UNC13C: variants seen among roughly 807,000 people sequenced by gnomAD.
The protein encoded by UNC13C is protein unc-13 homolog C.
A neutral mutation model predicts 245.4 loss-of-function variants in UNC13C; 174 were observed. The ratio of observed to expected loss-of-function variants is 0.71; its 90% confidence interval spans 0.63 to 0.80. The LOEUF (loss-of-function observed/expected upper bound fraction) is 0.80, where lower values mean the gene tolerates loss of function less well. UNC13C is among the 30% of genes least tolerant of loss of function. The pLI is 0.00. For missense variants in UNC13C, 2,829 were observed against 2,602.9 expected, an observed-to-expected ratio of 1.09 and a Z score of -1.89; for synonymous variants, 992 against 895.1, an observed-to-expected ratio of 1.11 and a Z score of -1.93.
intron 2 of UNC13C, among the ~76,000 whole-genome samples, chr15:54,122,094 C>G (rs2030707472): frequency 1.3e-5 from 2 of 151,422 alleles, no homozygotes; most frequent in South Asian, 4.2e-4. Context: ...GGCAGCTAGT[C>G]TGTAAATTAT....
In UNC13C at chr15:54,498,811, T is replaced by TC. The variant is rs543040996; in HGVS notation, c.5061-1262dup. 3.4e-4 allele frequency among the ~76,000 whole-genome samples: 52 copies of TC among 152,196 alleles called. No homozygotes were observed. In the East Asian group the frequency reaches 5.8e-3, roughly 17 times the overall value. On this transcript the variant is annotated intron_variant, in intron 20 of 32. Coordinates refer to ENST00000260323, the MANE Select transcript of UNC13C (RefSeq NM_001080534.3). ...GATGCATTATTATAAAGATAGCAAT[T>TC]CCCCCCACATGGACCTACAGTTTCA...
chr15:54,212,911 T>C (rs1310735490), intron 4 of UNC13C, among the ~76,000 whole-genome samples: 4 of 152,060 alleles, frequency 2.6e-5, no homozygotes, highest in Admixed American at 6.6e-5. Context: ...TTTTCTCTAT[T>C]TAAACCCTGA....
chr15:54,245,331 T>C (rs1229835813), intron 7 of UNC13C, among the ~76,000 whole-genome samples: 1 of 152,154 alleles, frequency 6.6e-6, no homozygotes, highest in African/African-American at 2.4e-5. Flanking sequence ...TCTCCTTGAA[T>C]TAAGGAATCA....
chr15:54,272,734 T>C, intron 10 of UNC13C, among the ~76,000 whole-genome samples: 1 of 152,158 alleles, frequency 6.6e-6, no homozygotes, highest in East Asian at 1.9e-4. Flanking sequence ...CCATTACCTA[T>C]CCACATACAG....
chr15:54,126,700 T>C (rs1010136625), intron 2 of UNC13C, among the ~76,000 whole-genome samples: 8 of 151,986 alleles, frequency 5.3e-5, no homozygotes, highest in African/African-American at 1.4e-4. Flanking sequence ...AAAGCCAAAA[T>C]TGACAAATAG....
intron 19 of UNC13C, among the ~76,000 whole-genome samples, chr15:54,439,551 T>C: frequency 6.6e-6 from 1 of 151,980 alleles, no homozygotes; most frequent in East Asian, 1.9e-4. Flanking sequence ...TACATAAGCA[T>C]ACAAAATTTT....
intron 30 of UNC13C, among the ~76,000 whole-genome samples, chr15:54,586,426 C>A (rs1291938719): frequency 6.6e-6 from 1 of 152,164 alleles, no homozygotes; most frequent in Non-Finnish European, 1.5e-5. Context: ...GTTACCTTTT[C>A]ATTCTGTTCT....
In UNC13C at chr15:54,435,772, A is replaced by C. The variant is rs184150708; in HGVS notation, c.4933+20705A>C. ...ATAAATAAAAATAAAAAAAGAAACT[A>C]TCATCAGAGTGAACAGGCAACCTAC... On this transcript the variant is annotated intron_variant, in intron 19 of 32. Transcript: ENST00000260323. 4.0e-5 allele frequency among the ~76,000 whole-genome samples: 6 copies of C among 151,570 alleles called. No individual in the cohort carries two copies. In the East Asian group the frequency reaches 9.8e-4, roughly 25 times the overall value.
At chr15:53,967,383 A>T in the UNC13C span, among the ~76,000 whole-genome samples, 1 of 151,164 alleles carries the variant, frequency 6.6e-6, no homozygotes, top group East Asian at 1.9e-4. Context: ...TGAAGTATGT[A>T]CCTGCTGTTC....
chr15:54,600,989 CA>C (rs1284522515), intron 30 of UNC13C, among the ~76,000 whole-genome samples: 1 of 149,374 alleles, frequency 6.7e-6, no homozygotes, highest in Non-Finnish European at 1.5e-5. Flanking sequence ...GCTGATGAGC[CA>C]AAAAAATTGC....
chr15:54,520,102 TAGG>T (rs1279785356), intron 24 of UNC13C, among the ~76,000 whole-genome samples: 1 of 152,014 alleles, frequency 6.6e-6, no homozygotes, highest in Non-Finnish European at 1.5e-5. Flanking sequence ...TTACACCAGT[TAGG>T]AGGATGAAGG....
In UNC13C at chr15:53,978,513, C is replaced by G. The variant is rs574014020; in HGVS notation, c.-671C>G. ...ACTCAGCCCGGCTGCTCCTCACCCT[C>G]AAATGTTGATGAGCCTGGGCGCTCC... On this transcript the variant is annotated 5_prime_UTR_variant, in exon 1 of 33. Coordinates refer to ENST00000260323, the MANE Select transcript of UNC13C (RefSeq NM_001080534.3). Among the ~76,000 whole-genome samples, 25 of 152,266 alleles carry G rather than the reference C, an allele frequency of 1.6e-4. No individual in the cohort carries two copies. Among genetic ancestry groups the G allele is most frequent in the Admixed American group, 1.6e-3 (25 of 15,300 alleles).
At chr15:54,439,910 T>C (rs1398051637) in intron 19 of UNC13C, among the ~76,000 whole-genome samples, 3 of 152,010 alleles carry the variant, frequency 2.0e-5, no homozygotes, top group African/African-American at 7.2e-5. Flanking sequence ...GTTGTAACCA[T>C]TAACCAACTT....
At chr15:54,379,824 G>A (rs2039682444) in intron 17 of UNC13C, among the ~76,000 whole-genome samples, 1 of 152,012 alleles carries the variant, frequency 6.6e-6, no homozygotes, top group South Asian at 2.1e-4. Context: ...CTTTGCTCAG[G>A]TATTTTTGGT....
chr15:53,904,563 A>G, the UNC13C span, among the ~76,000 whole-genome samples: 4 of 152,202 alleles, frequency 2.6e-5, no homozygotes, highest in African/African-American at 7.2e-5. Context: ...GGATATCATC[A>G]TATTACTTTC....
chr15:54,498,482 G>T (rs1368860770), intron 20 of UNC13C, among the ~76,000 whole-genome samples: 4 of 152,050 alleles, frequency 2.6e-5, no homozygotes, highest in African/African-American at 9.7e-5. Flanking sequence ...TGAATTAAGT[G>T]CTAATAAAAT....
At chr15:54,153,903 G>A (rs1470611702) in intron 4 of UNC13C, among the ~76,000 whole-genome samples, 1 of 151,852 alleles carries the variant, frequency 6.6e-6, no homozygotes, top group East Asian at 1.9e-4. Context: ...CCTTTACATA[G>A]ATTTCTAAAA....
chr15:54,328,409 T>C (rs1024886552), intron 14 of UNC13C, among the ~76,000 whole-genome samples: 2 of 152,114 alleles, frequency 1.3e-5, no homozygotes, highest in African/African-American at 4.8e-5. Flanking sequence ...ACAATTTGCT[T>C]GTCGTGTTCT....
At chr15:54,321,855 T>C (rs1242403310) in intron 13 of UNC13C, 84 bp from the exon 14 acceptor site, 9 of 1,287,008 alleles carry the variant, frequency 7.0e-6, no homozygotes, top group African/African-American at 1.5e-5. Context: ...AGCTGTGGAA[T>C]TAATTGCTGA....
Sources: gnomAD v4.1 joint callset for allele counts (sites outside exome capture counted in the v4.1 genomes callset) on GRCh38, gnomAD v4.1.1 for gene constraint, MANE v1.5 for transcripts, NCBI Gene and HGNC (gene_info 2026-07-23, HGNC 2026-07-21) for gene names.